Variants in ZBTB46 observed in about 807,000 individuals in gnomAD.
The protein encoded by ZBTB46 is zinc finger and BTB domain-containing protein 46.
A neutral mutation model predicts 44.1 loss-of-function variants in ZBTB46; 8 were observed. The ratio of observed to expected loss-of-function variants is 0.18; its 90% CI spans 0.11 to 0.33. The LOEUF is 0.33. Ranked by LOEUF, ZBTB46 falls within the 10% of genes least tolerant of loss-of-function variation. The pLI, the probability that ZBTB46 is intolerant of heterozygous loss-of-function variation, is 1.00. For missense variants in ZBTB46, 651 were observed against 847.7 expected, an observed-to-expected ratio of 0.77 and a Z score of 2.88; for synonymous variants, 409 against 382.3, an observed-to-expected ratio of 1.07 and a Z score of -0.81.
At chr20:63,782,086 CAAA>C (rs66508825) in intron 2 of ZBTB46, among the ~76,000 whole-genome samples, 2 of 46,872 alleles carry the variant, frequency 4.3e-5, no homozygotes, top group Non-Finnish European at 9.5e-5. Context: ...GACTCCGTCT[CAAA>C]AAAAAAAAAA....
At chr20:63,760,999 CTTTT>C (rs372831458) in intron 3 of ZBTB46, among the ~76,000 whole-genome samples, 13 of 127,908 alleles carry the variant, frequency 1.0e-4, no homozygotes, top group Non-Finnish European at 1.8e-4. Flanking sequence ...ATTGATAGCT[CTTTT>C]TTTTTTTTTT....
intron 3 of ZBTB46, among the ~76,000 whole-genome samples, chr20:63,753,258 G>A (rs769689373): frequency 6.6e-6 from 1 of 152,182 alleles, no homozygotes; most frequent in Admixed American, 6.5e-5. Flanking sequence ...CGTGGTGTCC[G>A]ATCAGACGCC....
chr20:63,772,150 A>G (rs1328180774), intron 3 of ZBTB46, among the ~76,000 whole-genome samples: 1 of 151,658 alleles, frequency 6.6e-6, no homozygotes, highest in African/African-American at 2.4e-5. Flanking sequence ...GCCCGCCACC[A>G]CACCCGGGTA....
chr20:63,762,687 A>C (rs772249796), intron 3 of ZBTB46, among the ~76,000 whole-genome samples: 19 of 142,126 alleles, frequency 1.3e-4, no homozygotes, highest in Non-Finnish European at 1.7e-4. Flanking sequence ...CAAAAAAAAA[A>C]CCAACTGAGC....
intron 3 of ZBTB46, among the ~76,000 whole-genome samples, chr20:63,766,171 G>T (rs1601418897): frequency 6.8e-6 from 1 of 147,466 alleles, no homozygotes; most frequent in Non-Finnish European, 1.5e-5. Context: ...CCCAGGTTGA[G>T]ACATATCATC....
At chr20:63,828,669 C>T (rs1321514746) in intron 1 of ZBTB46, among the ~76,000 whole-genome samples, 1 of 152,262 alleles carries the variant, frequency 6.6e-6, no homozygotes, top group Non-Finnish European at 1.5e-5. Flanking sequence ...GGACAGGGAA[C>T]CTACCACGGC....
At chr20:63,814,638 C>T (rs897765879) in intron 1 of ZBTB46, among the ~76,000 whole-genome samples, 1 of 152,146 alleles carries the variant, frequency 6.6e-6, no homozygotes, top group African/African-American at 2.4e-5. Context: ...AGGAGTGCAG[C>T]AAGCCTGGGC....
intron 1 of ZBTB46, among the ~76,000 whole-genome samples, chr20:63,791,763 C>A (rs964350133): frequency 4.3e-4 from 66 of 152,288 alleles, no homozygotes; most frequent in African/African-American, 1.6e-3. Context: ...GAAGACAGCC[C>A]TGCCTCACAG....
chr20:63,762,625 G>T (rs931138189), intron 3 of ZBTB46, among the ~76,000 whole-genome samples: 1 of 151,820 alleles, frequency 6.6e-6, no homozygotes, highest in Non-Finnish European at 1.5e-5. Flanking sequence ...CTGCACTCCA[G>T]CCTGGGCAAC....
chr20:63,791,005 G>A, intron 1 of ZBTB46: 1 of 564,250 alleles, frequency 1.8e-6, no homozygotes, highest in African/African-American at 1.9e-5. Flanking sequence ...TCCAGGGTGG[G>A]ACGTCTGCCA....
chr20:63,782,233 C>T (rs1280258446), intron 2 of ZBTB46, among the ~76,000 whole-genome samples: 2 of 151,050 alleles, frequency 1.3e-5, no homozygotes, highest in East Asian at 3.9e-4. Flanking sequence ...TGTGGCAGAA[C>T]GACTCCGCAG....
upstream of ZBTB46, chr20:63,831,380 GCGCCCCGGCCGCGGCCAC>G (rs1406042184): frequency 1.4e-5 from 2 of 141,120 alleles, no homozygotes; most frequent in Non-Finnish European, 3.1e-5. Context: ...GGCCCGCGCC[GCGCCCCGGCCGCGGCCAC>G]CGCCCCGGGC....
rs1186094825 is a variant in ZBTB46, at chr20:63,790,178, T to A, written c.580A>T (p.Ser194Cys). ...SAIASCHDGG[S>C]SYGKEDQEPK... ...TCCTGATCCTCTTTCCCGTAGCTGC[T>A]CCCTCCGTCGTGACAGCTGGCGATG... Residue 194 changes from serine to cysteine, a missense_variant, in exon 2 of 5, where the codon AGC becomes TGC. Ser to Cys is a moderately radical substitution (Grantham distance 112, BLOSUM62 -1). Transcript: ENST00000245663. The A allele has an allele frequency of 6.2e-7, 1 of 1,613,524 alleles. No individual in the cohort carries two copies. Among genetic ancestry groups the A allele is most frequent in the Non-Finnish European group, 8.5e-7 (1 of 1,179,972 alleles).
chr20:63,784,314 G>A (rs751298171), intron 2 of ZBTB46, among the ~76,000 whole-genome samples: 7 of 152,276 alleles, frequency 4.6e-5, no homozygotes, highest in Admixed American at 1.3e-4. Context: ...CTCCCCTCCC[G>A]GAGCAGACAG....
chr20:63,778,040 C>T (rs1238962492), intron 2 of ZBTB46, among the ~76,000 whole-genome samples: 2 of 152,078 alleles, frequency 1.3e-5, no homozygotes, highest in Non-Finnish European at 2.9e-5. Flanking sequence ...GGAGGGGTCT[C>T]GGATGAGGGC....
At chr20:63,810,682 G>C (rs1447220879) in intron 1 of ZBTB46, among the ~76,000 whole-genome samples, 1 of 152,152 alleles carries the variant, frequency 6.6e-6, no homozygotes. Context: ...GGAGGCAGAG[G>C]TTACAGTGAG....
chr20:63,765,114 T>TGTGTGC (rs1017351801), intron 3 of ZBTB46, among the ~76,000 whole-genome samples: 1 of 151,412 alleles, frequency 6.6e-6, no homozygotes, highest in Non-Finnish European at 1.5e-5. Flanking sequence ...GTTGTGTGTG[T>TGTGTGC]GTGTGCGTGT....
At chr20:63,808,976 CA>C (rs1157399042) in intron 1 of ZBTB46, among the ~76,000 whole-genome samples, 356 of 75,204 alleles carry the variant, frequency 4.7e-3, no homozygotes, top group South Asian at 0.02. Flanking sequence ...GACTCCGCTT[CA>C]AAAAAAAAAA....
At chr20:63,830,981 C>T (rs2092847740) in intron 1 of ZBTB46, 116 bp downstream of exon 1, 1 of 142,030 alleles carries the variant, frequency 7.0e-6, no homozygotes, top group Non-Finnish European at 1.6e-5. Context: ...GGGCGGCCGG[C>T]GGCGGGGGCG....
Sources: gnomAD v4.1 joint callset for allele counts (sites outside exome capture counted in the v4.1 genomes callset) on GRCh38, gnomAD v4.1.1 for gene constraint, MANE v1.5 for transcripts, NCBI Gene and HGNC (gene_info 2026-07-23, HGNC 2026-07-21) for gene names.